Variants in DCC observed in about 807,000 individuals in gnomAD.
The protein encoded by DCC is netrin receptor DCC.
In DCC, 58 loss-of-function variants were observed where a neutral mutation model predicts 172.5. The ratio of observed to expected loss-of-function variants is 0.34; its 90% confidence interval spans 0.27 to 0.42. The LOEUF is 0.42. Ranked by LOEUF, DCC falls within the 10% of genes least tolerant of loss-of-function variation. The probability of loss-of-function intolerance (pLI) is 1.00; values close to 1 mark genes in which losing one functional copy is unlikely to be tolerated. For missense variants in DCC, 1,740 were observed against 1,791.0 expected (o/e 0.97, Z 0.51); for synonymous variants, 709 against 644.5 (o/e 1.10, Z -1.52).
chr18:53,378,022 C>T (rs754483288), intron 15 of DCC, among the ~76,000 whole-genome samples: 9 of 152,042 alleles, frequency 5.9e-5, no homozygotes, highest in Non-Finnish European at 8.8e-5. Flanking sequence ...AGTGCAGTGG[C>T]GCAATCTCAG....
chr18:52,884,054 C>T (rs555671915), intron 2 of DCC, among the ~76,000 whole-genome samples: 19 of 151,878 alleles, frequency 1.3e-4, no homozygotes, highest in Admixed American at 6.6e-4. Flanking sequence ...AGGTTCCCAC[C>T]GAAAACTCTG....
intron 1 of DCC, among the ~76,000 whole-genome samples, chr18:52,746,884 T>C (rs1212525046): frequency 6.6e-6 from 1 of 150,852 alleles, no homozygotes; most frequent in Non-Finnish European, 1.5e-5. Context: ...GCTATCTTGG[T>C]ATCTGCTTAC....
At chr18:52,629,586 G>A (rs1306747054) in intron 1 of DCC, among the ~76,000 whole-genome samples, 1 of 152,064 alleles carries the variant, frequency 6.6e-6, no homozygotes, top group Non-Finnish European at 1.5e-5. Flanking sequence ...AGGCTGAAGC[G>A]GGTAGATCAC....
chr18:52,523,918 G>A (rs1251600589), intron 1 of DCC, among the ~76,000 whole-genome samples: 1 of 152,148 alleles, frequency 6.6e-6, no homozygotes, highest in Non-Finnish European at 1.5e-5. Context: ...CAGTATATTT[G>A]TCCAAGGAAC....
At position 53,406,926 on chromosome 18, in the gene DCC, T is replaced by C. The variant is rs138996446; in HGVS notation, c.2936-3526T>C. On this transcript the variant is annotated intron_variant, in intron 19 of 28. Coordinates refer to ENST00000442544, the MANE Select transcript of DCC (RefSeq NM_005215.4). Reference sequence around the variant, plus strand: ...TAGACTTTTGAATGATGAGGTCTGTTTCTATTCTCCATCTCAGTTCTTAAA... The same window carrying C: ...TAGACTTTTGAATGATGAGGTCTGTCTCTATTCTCCATCTCAGTTCTTAAA... Among the ~76,000 whole-genome samples the C allele has an allele frequency of 4.0e-3, 614 of 152,252 alleles. 19 individuals are homozygous for C. Among genetic ancestry groups the C allele is most frequent in the Admixed American group, 0.033 (511 of 15,282 alleles).
At chr18:52,385,350 A>G (rs1166648656) in intron 1 of DCC, among the ~76,000 whole-genome samples, 2 of 151,544 alleles carry the variant, frequency 1.3e-5, no homozygotes, top group Non-Finnish European at 2.9e-5. Flanking sequence ...ATCTCAGCTC[A>G]CCGCAACCTC....
intron 7 of DCC, among the ~76,000 whole-genome samples, chr18:53,089,949 T>C (rs1266623629): frequency 2.0e-5 from 3 of 152,250 alleles, no homozygotes; most frequent in Non-Finnish European, 4.4e-5. Context: ...TTGAATATTT[T>C]ATACCAATTT....
At chr18:52,989,302 C>A (rs1387974742) in intron 5 of DCC, among the ~76,000 whole-genome samples, 3 of 152,084 alleles carry the variant, frequency 2.0e-5, no homozygotes, top group Non-Finnish European at 2.9e-5. Context: ...GCGGGTGGTT[C>A]ACTTGAGGTC....
At chr18:53,427,914 TA>T (rs1911099252) in intron 21 of DCC, among the ~76,000 whole-genome samples, 3 of 70,682 alleles carry the variant, frequency 4.2e-5, no homozygotes, top group Non-Finnish European at 9.2e-5. Flanking sequence ...TAATATATAA[TA>T]ATATAATATA....
chr18:53,108,753 A>G lies in DCC; in HGVS notation c.1261+42587A>G, dbSNP rs565517360. The stretch of plus-strand genomic sequence containing the variant: ...TTTGGGAGAGTCGTCCATGTTGCAT[A>G]GCTATAGTTTGCTCAATGAATTGCT... On this transcript the variant is annotated intron_variant, in intron 7 of 28. Coordinates refer to ENST00000442544, the MANE Select transcript of DCC (RefSeq NM_005215.4). Among the ~76,000 whole-genome samples the G allele has an allele frequency of 2.6e-5, 4 of 151,682 alleles. No homozygotes were observed. The South Asian group carries it at 8.3e-4, about 31-fold the overall frequency.
intron 5 of DCC, among the ~76,000 whole-genome samples, chr18:52,927,051 A>C (rs2040218592): frequency 7.2e-6 from 1 of 139,348 alleles, no homozygotes; most frequent in African/African-American, 2.6e-5. Flanking sequence ...CAATACATAT[A>C]TATACACATA....
chr18:52,570,638 C>T (rs917611074), intron 1 of DCC, among the ~76,000 whole-genome samples: 1 of 152,112 alleles, frequency 6.6e-6, no homozygotes, highest in Non-Finnish European at 1.5e-5. Flanking sequence ...TGTTTTGTGT[C>T]ATATTATGAT....
chr18:53,169,082 C>A (rs949284089), intron 8 of DCC, among the ~76,000 whole-genome samples: 3 of 152,188 alleles, frequency 2.0e-5, no homozygotes, highest in African/African-American at 7.2e-5. Context: ...GGAGAATATA[C>A]TCTACCAGAA....
At chr18:53,468,929 G>A (rs1254115965) in intron 25 of DCC, among the ~76,000 whole-genome samples, 1 of 152,082 alleles carries the variant, frequency 6.6e-6, no homozygotes, top group Admixed American at 6.6e-5. Flanking sequence ...TAGATGGTTA[G>A]TTCCTCTATG....
chr18:53,148,246 G>C (rs1010136502), intron 7 of DCC, among the ~76,000 whole-genome samples: 1 of 152,136 alleles, frequency 6.6e-6, no homozygotes, highest in East Asian at 1.9e-4. Flanking sequence ...ACCGGCAGAG[G>C]ACAGGATTGC....
intron 5 of DCC, among the ~76,000 whole-genome samples, chr18:52,929,817 A>AACACACACACACAC (rs34457182): frequency 4.1e-3 from 591 of 144,858 alleles, no homozygotes; most frequent in Admixed American, 6.5e-3. Flanking sequence ...GGACTTTGCA[A>AACACACACACACAC]ACACACACAC....
chr18:52,723,294 G>A (rs1198997780), intron 1 of DCC, among the ~76,000 whole-genome samples: 4 of 152,124 alleles, frequency 2.6e-5, no homozygotes, highest in Admixed American at 6.6e-5. Flanking sequence ...CCAAAATGCA[G>A]CCGTAATAAA....
intron 12 of DCC, among the ~76,000 whole-genome samples, chr18:53,271,074 T>C (rs16956461): frequency 0.099 from 15,018 of 152,148 alleles, 2,409 homozygotes; most frequent in African/African-American, 0.34. Flanking sequence ...GCTCTAGAGA[T>C]TTTGCTACTC....
At chr18:52,351,206 A>G (rs1984105412) in intron 1 of DCC, among the ~76,000 whole-genome samples, 1 of 152,190 alleles carries the variant, frequency 6.6e-6, no homozygotes, top group Non-Finnish European at 1.5e-5. Flanking sequence ...GGGAGGAAAA[A>G]TCATGAATTC....
Sources: gnomAD v4.1 joint callset for allele counts (sites outside exome capture counted in the v4.1 genomes callset) on GRCh38, gnomAD v4.1.1 for gene constraint, MANE v1.5 for transcripts, NCBI Gene and HGNC (gene_info 2026-07-23, HGNC 2026-07-21) for gene names.